The following SLC4A1 variants were observed in gnomAD, a reference collection of about 807,000 sequenced individuals.
SLC4A1 encodes the protein solute carrier family 4 member 1 (Diego blood group).
In SLC4A1, 29 loss-of-function variants were observed where a neutral mutation model predicts 93.1. The observed-to-expected ratio is 0.31, with a 90% confidence interval of 0.23 to 0.42. The LOEUF (loss-of-function observed/expected upper bound fraction) is 0.42. Among genes scored for constraint, SLC4A1 ranks in the 20% least tolerant of loss-of-function variants. The pLI is 1.00. For missense variants in SLC4A1, 965 were observed against 1,190.1 expected (o/e 0.81, Z 2.78); for synonymous variants, 469 against 497.2 (o/e 0.94, Z 0.76).
intron 3 of SLC4A1, 99 bp from the exon 4 acceptor site, chr17:44,261,735 CCCCTCCTTCCCAGTG>C: frequency 2.5e-6 from 4 of 1,600,450 alleles, no homozygotes; most frequent in Non-Finnish European, 3.4e-6. Context: ...TGGGCAGATG[CCCCTCCTTCCCAGTG>C]CCCTGGGCTG....
In SLC4A1 at chr17:44,257,429, A is replaced by G. The variant is rs1386568242; in HGVS notation, c.1547T>C (p.Ile516Thr). 2 of 1,614,032 alleles carry G rather than the reference A, an allele frequency of 1.2e-6. No individual in the cohort carries two copies. Among genetic ancestry groups the G allele is most frequent in the Non-Finnish European group, 8.5e-7 (1 of 1,179,998 alleles). ...GAAGATCTCCTGGGTATAGCGGGAG[A>G]TGAAGCGGACCAGGAAGCTACCCTC... ...AFEGSFLVRF[I>T]SRYTQEIFSF... Residue 516 changes from isoleucine to threonine, a missense_variant, in exon 13 of 20, where the codon ATC becomes ACC. Ile to Thr is a moderately conservative substitution (Grantham distance 89, BLOSUM62 -1). Around this residue, in one of 2 missense-constraint regions of SLC4A1, gnomAD observed 770 missense variants for 1,006.6 expected, o/e 0.76. Coordinates refer to ENST00000262418, the MANE Select transcript of SLC4A1 (RefSeq NM_000342.4).
rs1362663440 is a variant in SLC4A1, at chr17:44,259,808, C to T, written c.609+1G>A. On this transcript the variant is annotated splice_donor_variant, in intron 7 of 19. Transcript: ENST00000262418. LOFTEE classifies it high-confidence loss of function. ...TGACCCTGACCCTGTAACTGACTCA[C>T]CTGCTCACAGAAGAGCTGTGTCTCC... The T allele has an allele frequency of 2.5e-6, 4 of 1,614,012 alleles. No homozygotes were observed. Among genetic ancestry groups the T allele is most frequent in the Non-Finnish European group, 2.5e-6 (3 of 1,180,026 alleles).
chr17:44,250,387 G>T lies in SLC4A1; in HGVS notation c.*71C>A. 1 of 1,297,018 alleles carries T rather than the reference G, an allele frequency of 7.7e-7. No homozygotes were observed. The highest frequency in any genetic ancestry group is 1.1e-6 in the Non-Finnish European group (1 of 894,210). 80.3% of individuals were successfully genotyped at this position (1,297,018 alleles called of 1,614,324 possible). On this transcript the variant is annotated 3_prime_UTR_variant, in exon 20 of 20. Transcript: ENST00000262418. ...ATCCTGGAGTCCATGAGGTGCCCAT[G>T]AACTTCTGCTTTTCCTTGGAAGGTG...
chr17:44,264,739 G>T (rs1316939413), intron 1 of SLC4A1, among the ~76,000 whole-genome samples: 1 of 152,096 alleles, frequency 6.6e-6, no homozygotes, highest in East Asian at 1.9e-4. Context: ...TCTGAGCTCG[G>T]GGTCTCAGTT....
At chr17:44,260,345 G>A in intron 6 of SLC4A1, 59 bp downstream of exon 6, 3 of 1,578,794 alleles carry the variant, frequency 1.9e-6, no homozygotes, top group South Asian at 2.3e-5. Context: ...CTTGGGGCAA[G>A]TGGGCTGGGG....
chr17:44,256,171 C>T (rs2047387711), intron 13 of SLC4A1, among the ~76,000 whole-genome samples: 1 of 152,136 alleles, frequency 6.6e-6, no homozygotes, highest in African/African-American at 2.4e-5. Context: ...ATCCATCCAT[C>T]CATCCGTCCA....
chr17:44,258,188 G>A lies in SLC4A1; in HGVS notation c.1088-8C>T. The A allele has an allele frequency of 6.2e-7, 1 of 1,613,760 alleles. No individual in the cohort carries two copies. The highest frequency in any genetic ancestry group is 8.5e-7 in the Non-Finnish European group (1 of 1,179,804). ...CTGGGCCCCCATTTAAGTCTGTGGT[G>A]GAGGATAAGAGCATGGTCAGAGGGA... On this transcript the variant is annotated splice_polypyrimidine_tract_variant and splice_region_variant and intron_variant, in intron 10 of 19. Transcript: ENST00000262418. This position sits in a 1 kb window ranked among gnomAD's most constrained non-coding sequence, Gnocchi z 6.1.
chr17:44,255,366 A>G, intron 14 of SLC4A1, 70 bp from the exon 15 acceptor site: 1 of 1,202,734 alleles, frequency 8.3e-7, no homozygotes, highest in Non-Finnish European at 1.2e-6. Flanking sequence ...CTCCTGCCCT[A>G]TATTCACCCA....
intron 11 of SLC4A1, 78 bp downstream of exon 11, chr17:44,257,908 A>G: frequency 6.2e-7 from 1 of 1,607,294 alleles, no homozygotes; most frequent in Non-Finnish European, 8.5e-7. Context: ...GGAGGGTCAG[A>G]CAGAGTCAGA....
intron 8 of SLC4A1, 45 bp from the exon 9 acceptor site, chr17:44,259,389 T>G (rs1269534950): frequency 1.2e-6 from 2 of 1,610,228 alleles, no homozygotes; most frequent in East Asian, 2.2e-5. Flanking sequence ...GAGCCCAGGG[T>G]GGGTGTGCTG....
rs77776952 is a variant in SLC4A1 at position 44,253,702 on chromosome 17, T to C, written c.2058-331A>G. Among the ~76,000 whole-genome samples, 24 of 152,228 alleles carry C rather than the reference T, an allele frequency of 1.6e-4. No individual in the cohort carries two copies. The East Asian group carries it at 3.1e-3, about 20-fold the overall frequency. ...CTTTTTCTTTTTTTTCCTAGAGTCT[T>C]GCTCTGTCGCCCAGGCTGGAGTGCA... On this transcript the variant is annotated intron_variant, in intron 16 of 19. Coordinates refer to ENST00000262418, the MANE Select transcript of SLC4A1 (RefSeq NM_000342.4).
chr17:44,256,069 C>T (rs1452298532), intron 13 of SLC4A1, among the ~76,000 whole-genome samples: 1 of 152,094 alleles, frequency 6.6e-6, no homozygotes, highest in Non-Finnish European at 1.5e-5. Context: ...CATCCATCCA[C>T]CTACCTATCA....
In SLC4A1 at chr17:44,258,762, C is replaced by G; in HGVS notation, c.877-139G>C. 1.2e-6 allele frequency: 1 copy of G among 802,518 alleles called. No individual in the cohort carries two copies. Among genetic ancestry groups the G allele is most frequent in the Non-Finnish European group, 2.1e-6 (1 of 477,980 alleles). 49.7% of individuals were successfully genotyped at this position (802,518 alleles called of 1,614,324 possible). ...CCAGGAACTGCTTTTCCTGCCCGCT[C>G]CCACCCCTACTCTCCCCACTAAGAA... is the stretch of plus-strand genomic sequence containing the variant. On this transcript the variant is annotated intron_variant, in intron 9 of 19. Coordinates refer to ENST00000262418, the MANE Select transcript of SLC4A1 (RefSeq NM_000342.4). This position sits in a 1 kb window ranked among gnomAD's most constrained non-coding sequence, Gnocchi z 6.1.
Position 44,258,292 on chromosome 17 carries a change from T to C in SLC4A1, c.1088-112A>G. 1 of 1,422,324 alleles carries C rather than the reference T, an allele frequency of 7.0e-7. No homozygotes were observed. The highest frequency in any genetic ancestry group is 1.7e-5 in the Admixed American group (1 of 59,582). 88.1% of individuals were successfully genotyped at this position (1,422,324 alleles called of 1,614,324 possible). A position where few individuals can be genotyped will look rare whatever the true frequency, so the allele number is the denominator to read the frequency against. On this transcript the variant is annotated intron_variant, in intron 10 of 19. Transcript: ENST00000262418. This position sits in a 1 kb window ranked among gnomAD's most constrained non-coding sequence, Gnocchi z 6.1. ...TGATGGGAATGGGGCGGCGAAGAAG[T>C]CTGGAAGATGTGGGCAAAGGGAGCG...
rs1432411524 is a variant in SLC4A1 at position 44,257,381 on chromosome 17, A to C, written c.1595T>G (p.Phe532Cys). 1 of 1,614,026 alleles carries C rather than the reference A, an allele frequency of 6.2e-7. No homozygotes were observed. Among genetic ancestry groups the C allele is most frequent in the East Asian group, 2.2e-5 (1 of 44,866 alleles). The change falls in exon 13 of 20, where the codon TTC becomes TGC. Residue 532 changes from phenylalanine (F) to cysteine (C), a missense_variant. Transcript: ENST00000262418. ...CAGCTTGGAGAAAGTCTCATAGATGAAGATGAGGGAAATGAGGAAGGAGAA... is the reference window on the plus strand; with the variant it reads ...CAGCTTGGAGAAAGTCTCATAGATGCAGATGAGGGAAATGAGGAAGGAGAA... ...EIFSFLISLI[F>C]IYETFSKLIK...
rs375762746 is a variant in SLC4A1 at position 44,257,626 on chromosome 17, A to G, written c.1431+33T>C. The G allele has an allele frequency of 1.1e-5, 17 of 1,613,482 alleles. No individual in the cohort carries two copies. In the African/African-American group the frequency reaches 2.1e-4, roughly 20 times the overall value. On this transcript the variant is annotated intron_variant, in intron 12 of 19. Transcript: ENST00000262418. ...GCATCAGGCAGGTGGTGCGGGGGAC[A>G]TGACAGGGTCAGTGGGGCAAGGACA...
chr17:44,264,152 CCTGA>C (rs1207474824), intron 1 of SLC4A1, among the ~76,000 whole-genome samples: 1 of 152,086 alleles, frequency 6.6e-6, no homozygotes, highest in Non-Finnish European at 1.5e-5. Context: ...CACCACCATG[CCTGA>C]CTAATTTTTA....
chr17:44,257,319 C>A, intron 13 of SLC4A1, 31 bp downstream of exon 13: 7 of 1,603,322 alleles, frequency 4.4e-6, no homozygotes, highest in Non-Finnish European at 6.0e-6. Context: ...CACAACCTCC[C>A]GTGTGCATTA....
Position 44,262,629 on chromosome 17 carries a change from G to A in SLC4A1, c.106+7C>T. The A allele has an allele frequency of 1.2e-6, 2 of 1,604,036 alleles. No homozygotes were observed. Among genetic ancestry groups the A allele is most frequent in the Non-Finnish European group, 1.7e-6 (2 of 1,173,950 alleles). On this transcript the variant is annotated splice_region_variant and intron_variant, in intron 3 of 19. Coordinates refer to ENST00000262418, the MANE Select transcript of SLC4A1 (RefSeq NM_000342.4). Reference sequence around the variant, plus strand: ...TCATCCCAGCTGAGGGAGGGAGAGGGGCTCACCTGCCGGCTCCTCCATCTG... The same window carrying A: ...TCATCCCAGCTGAGGGAGGGAGAGGAGCTCACCTGCCGGCTCCTCCATCTG...
Sources: gnomAD v4.1 joint callset for allele counts (sites outside exome capture counted in the v4.1 genomes callset) on GRCh38, gnomAD v4.1.1 for gene constraint, gnomAD v4.1.1 regional missense constraint, Gnocchi (gnomAD v3.1) non-coding constraint, MANE v1.5 for transcripts, NCBI Gene and HGNC (gene_info 2026-07-23, HGNC 2026-07-21) for gene names.